Variants in TFG observed in about 807,000 individuals in gnomAD.
TFG encodes protein TFG.
Under a neutral mutation model 51.4 loss-of-function variants are expected in TFG, and 22 were observed. The ratio of observed to expected loss-of-function variants is 0.43; its 90% confidence interval spans 0.31 to 0.61. The LOEUF (loss-of-function observed/expected upper bound fraction) is 0.61. TFG is among the 20% of genes least tolerant of loss of function. The pLI is 0.12. For synonymous variants in TFG, 187 were observed against 165.6 expected, an observed-to-expected ratio of 1.13 and a Z score of -0.99; for missense variants, 419 against 487.7, an observed-to-expected ratio of 0.86 and a Z score of 1.33.
chr3:100,738,517 C>T (rs2095112821), intron 6 of TFG, among the ~76,000 whole-genome samples: 1 of 152,140 alleles, frequency 6.6e-6, no homozygotes, highest in Non-Finnish European at 1.5e-5. Context: ...TTTAATTGAG[C>T]ATTTTCAAAT....
chr3:100,746,891 G>T (rs1354912390), intron 7 of TFG, among the ~76,000 whole-genome samples: 3 of 152,128 alleles, frequency 2.0e-5, no homozygotes, highest in Non-Finnish European at 2.9e-5. Context: ...GAAAATTTAA[G>T]TTTTATGTAG....
intron 3 of TFG, among the ~76,000 whole-genome samples, chr3:100,725,227 A>G (rs1481643997): frequency 6.6e-6 from 1 of 152,136 alleles, no homozygotes; most frequent in Non-Finnish European, 1.5e-5. Flanking sequence ...CTTTTACCTC[A>G]TATGGGGGCA....
intron 6 of TFG, among the ~76,000 whole-genome samples, chr3:100,739,818 C>T (rs751144573): frequency 1.3e-5 from 2 of 152,084 alleles, no homozygotes; most frequent in Non-Finnish European, 2.9e-5. Context: ...AACTGATAAT[C>T]TTCTTTTTAA....
chr3:100,739,380 A>G (rs1200764894), intron 6 of TFG, among the ~76,000 whole-genome samples: 2 of 152,144 alleles, frequency 1.3e-5, no homozygotes. Flanking sequence ...TCAACAAGAT[A>G]TTGAGCATCA....
chr3:100,712,007 T>G (rs1576351734), intron 1 of TFG, among the ~76,000 whole-genome samples: 1 of 152,220 alleles, frequency 6.6e-6, no homozygotes. Context: ...AAAAGCTAAC[T>G]GTATTCTTAT....
At chr3:100,734,236 GCTC>G (rs1167545568) in intron 5 of TFG, among the ~76,000 whole-genome samples, 1 of 151,972 alleles carries the variant, frequency 6.6e-6, no homozygotes, top group Admixed American at 6.6e-5. Context: ...ACTCAAAACT[GCTC>G]CTTCTTTCTC....
At chr3:100,721,969 G>A (rs890644100) in intron 3 of TFG, among the ~76,000 whole-genome samples, 4 of 152,202 alleles carry the variant, frequency 2.6e-5, no homozygotes, top group Admixed American at 6.5e-5. Flanking sequence ...TGAGCAACAC[G>A]GTAAAACCCT....
chr3:100,743,447 T>A (rs2095126879), intron 6 of TFG: 1 of 152,200 alleles, frequency 6.6e-6, no homozygotes, highest in South Asian at 2.1e-4. Context: ...CATCTAAATT[T>A]GGTTAATTTC....
intron 3 of TFG, among the ~76,000 whole-genome samples, chr3:100,725,912 CATT>C (rs1442544390): frequency 5.9e-5 from 9 of 152,274 alleles, no homozygotes; most frequent in African/African-American, 1.9e-4. Flanking sequence ...AATGAAGATA[CATT>C]ATTATGTGTG....
chr3:100,719,544 A>G (rs1316773984), intron 2 of TFG, among the ~76,000 whole-genome samples: 1 of 152,254 alleles, frequency 6.6e-6, no homozygotes, highest in Non-Finnish European at 1.5e-5. Flanking sequence ...CAGTTTTGCA[A>G]CAGTAGTGTT....
intron 3 of TFG, among the ~76,000 whole-genome samples, chr3:100,723,149 CAAT>C (rs1417188903): frequency 2.0e-5 from 3 of 151,474 alleles, no homozygotes; most frequent in Admixed American, 6.6e-5. Flanking sequence ...AAATACTGGG[CAAT>C]AATATGTAAG....
chr3:100,726,218 C>T (rs1005008351), intron 3 of TFG, among the ~76,000 whole-genome samples: 12 of 152,140 alleles, frequency 7.9e-5, no homozygotes, highest in African/African-American at 2.9e-4. Flanking sequence ...TGTCCAAGGG[C>T]AGGAGGAGTG....
At chr3:100,726,689 A>C (rs2095076897) in intron 3 of TFG, among the ~76,000 whole-genome samples, 1 of 152,144 alleles carries the variant, frequency 6.6e-6, no homozygotes, top group Non-Finnish European at 1.5e-5. Flanking sequence ...AGTTGAATGA[A>C]GTTGGGTTTA....
intron 4 of TFG, among the ~76,000 whole-genome samples, chr3:100,730,501 T>C (rs375578333): frequency 9.8e-5 from 15 of 152,352 alleles, no homozygotes; most frequent in African/African-American, 2.2e-4. Flanking sequence ...TAAGATGATA[T>C]AAGAATAATA....
rs183368255 is a variant in TFG at position 100,746,315 on chromosome 3, G to A, written c.820+1384G>A. Among the ~76,000 whole-genome samples, 164 of 152,216 alleles carry A rather than the reference G, an allele frequency of 1.1e-3. 1 individual carries two copies. The highest frequency in any genetic ancestry group is 3.8e-3 in the African/African-American group (158 of 41,524). ...GAGATTTTGAATTTCATTTGATTGG[G>A]TGTGGGACTCAGGCGTTTGCATTTT... On this transcript the variant is annotated intron_variant, in intron 7 of 7. Coordinates refer to ENST00000240851, the MANE Select transcript of TFG (RefSeq NM_006070.6).
intron 1 of TFG, chr3:100,711,103 A>AT (rs11354328): frequency 0.024 from 3,540 of 146,448 alleles, 105 homozygotes; most frequent in African/African-American, 0.07. Context: ...ACGTGACTCA[A>AT]TTTTTTTTTT....
At chr3:100,745,464 A>G (rs1391089747) in intron 7 of TFG, among the ~76,000 whole-genome samples, 3 of 152,222 alleles carry the variant, frequency 2.0e-5, no homozygotes, top group Non-Finnish European at 2.9e-5. Context: ...TCAGGCAACT[A>G]AGAACATTGT....
intron 5 of TFG, 57 bp from the exon 6 acceptor site, chr3:100,736,519 C>T (rs956971101): frequency 4.4e-6 from 7 of 1,581,358 alleles, no homozygotes; most frequent in Non-Finnish European, 5.2e-6. Context: ...ATTCCTTGAG[C>T]TTGCTGGGGG....
intron 3 of TFG, among the ~76,000 whole-genome samples, chr3:100,727,332 T>C (rs2149076341): frequency 6.7e-6 from 1 of 150,214 alleles, no homozygotes; most frequent in Non-Finnish European, 1.5e-5. Context: ...GGAGATTGTA[T>C]TGAACTTCAT....
Sources: allele counts gnomAD v4.1 joint callset (sites outside exome capture counted in the v4.1 genomes callset), GRCh38; gene constraint gnomAD v4.1.1; transcripts MANE v1.5; gene names NCBI Gene and HGNC (gene_info 2026-07-23, HGNC 2026-07-21).